CORIN: variants seen among roughly 807,000 people sequenced by gnomAD.
The protein encoded by CORIN is atrial natriuretic peptide-converting enzyme.
CORIN carries 117 observed loss-of-function variants against 125.3 expected under a neutral mutation model. The ratio of observed to expected loss-of-function variants is 0.93; its 90% CI spans 0.80 to 1.09. The LOEUF (loss-of-function observed/expected upper bound fraction) is 1.09, where lower values mean the gene tolerates loss of function less well. CORIN is among the 50% of genes least tolerant of loss of function. The pLI is 0.00. For missense variants in CORIN, 1,253 were observed against 1,306.7 expected, an observed-to-expected ratio of 0.96 and a Z score of 0.63; for synonymous variants, 450 against 466.4, an observed-to-expected ratio of 0.96 and a Z score of 0.45.
intron 6 of CORIN, among the ~76,000 whole-genome samples, chr4:47,690,847 C>T (rs1272804867): frequency 6.6e-6 from 1 of 152,202 alleles, no homozygotes; most frequent in African/African-American, 2.4e-5. Flanking sequence ...ACACCACAAG[C>T]ATTCAACCTT....
intron 5 of CORIN, among the ~76,000 whole-genome samples, chr4:47,725,862 C>T (rs148476365): frequency 6.6e-5 from 10 of 151,916 alleles, no homozygotes; most frequent in Admixed American, 2.0e-4. Flanking sequence ...AAGACTTGTA[C>T]CCAGAATATA....
At chr4:47,726,626 C>T (rs989069170) in intron 5 of CORIN, among the ~76,000 whole-genome samples, 2 of 151,936 alleles carry the variant, frequency 1.3e-5, no homozygotes, top group African/African-American at 4.8e-5. Flanking sequence ...GTGGTGGTTA[C>T]AAATATCTAT....
intron 5 of CORIN, among the ~76,000 whole-genome samples, chr4:47,740,541 T>C (rs1241340592): frequency 6.6e-6 from 1 of 151,986 alleles, no homozygotes; most frequent in Non-Finnish European, 1.5e-5. Context: ...AGTATAGCCA[T>C]TCCAGCTCTT....
intron 3 of CORIN, among the ~76,000 whole-genome samples, chr4:47,765,501 C>T (rs1026028728): frequency 2.0e-5 from 3 of 152,150 alleles, no homozygotes; most frequent in African/African-American, 7.2e-5. Flanking sequence ...GTAACCTGTA[C>T]ATATGCCTGA....
At chr4:47,817,436 T>C (rs986583802) in intron 1 of CORIN, among the ~76,000 whole-genome samples, 5 of 152,110 alleles carry the variant, frequency 3.3e-5, no homozygotes, top group African/African-American at 1.2e-4. Context: ...CTTTAAGCCT[T>C]GGTGGACCCA....
intron 21 of CORIN, among the ~76,000 whole-genome samples, chr4:47,599,766 C>A (rs75558747): frequency 6.6e-6 from 1 of 152,112 alleles, no homozygotes; most frequent in Non-Finnish European, 1.5e-5. Context: ...CTGTCTCACA[C>A]CCTGGAAGTT....
At chr4:47,786,653 A>G (rs1730828163) in intron 3 of CORIN, 72 bp downstream of exon 3, 4 of 1,176,560 alleles carry the variant, frequency 3.4e-6, no homozygotes, top group Non-Finnish European at 5.0e-6. Context: ...AACTAAAAGC[A>G]TTGGTTGCCA....
Position 47,665,019 on chromosome 4 carries a change from C to T in CORIN, c.1589+13G>A. 1 of 1,556,064 alleles carries T rather than the reference C, an allele frequency of 6.4e-7. No homozygotes were observed. The highest frequency in any genetic ancestry group is 8.9e-7 in the Non-Finnish European group (1 of 1,127,740). ...GGCAAAATAAGGGACTGGGGTAGAT[C>T]CCATCATATTACCTGCAAGGAGGGA... On this transcript the variant is annotated intron_variant, in intron 11 of 21. Transcript: ENST00000273857.
chr4:47,642,082 T>TA, intron 15 of CORIN, 33 bp from the exon 16 acceptor site: 1 of 1,602,068 alleles, frequency 6.2e-7, no homozygotes, highest in East Asian at 2.2e-5. Flanking sequence ...AAACCCTAAT[T>TA]AAAAACATTT....
At chr4:47,696,489 T>C (rs1726012658) in intron 5 of CORIN, among the ~76,000 whole-genome samples, 1 of 152,174 alleles carries the variant, frequency 6.6e-6, no homozygotes, top group South Asian at 2.1e-4. Flanking sequence ...AAATAGAGCA[T>C]ATATTCTATT....
chr4:47,781,467 G>A (rs1730541780), intron 3 of CORIN, among the ~76,000 whole-genome samples: 1 of 152,122 alleles, frequency 6.6e-6, no homozygotes, highest in Non-Finnish European at 1.5e-5. Flanking sequence ...TGTATTAGAT[G>A]GTTTGTCCAA....
rs758332789 is a variant in CORIN, at chr4:47,661,797, T to C, written c.1649A>G (p.Gln550Arg). The C allele has an allele frequency of 1.2e-6, 2 of 1,613,744 alleles. No homozygotes were observed. The highest frequency in any genetic ancestry group is 1.7e-6 in the Non-Finnish European group (2 of 1,179,748). The change falls in exon 12 of 22, where the codon CAG (glutamine) becomes CGG (arginine). Residue 550 changes from glutamine (Q) to arginine (R), a missense_variant. Gln to Arg is a conservative substitution (Grantham distance 43). Transcript: ENST00000273857. ...CESVLGIVGL[Q>R]WPEDTDCSQF... ...ACTGCAATCTGTGTCTTCAGGCCAC[T>C]GTAGGCCCACAATCCCAAGAACAGA...
At chr4:47,716,189 T>C (rs1163681382) in intron 5 of CORIN, among the ~76,000 whole-genome samples, 2 of 152,218 alleles carry the variant, frequency 1.3e-5, no homozygotes, top group Non-Finnish European at 2.9e-5. Flanking sequence ...TTGGGTTCAT[T>C]ACATTGTACC....
chr4:47,745,706 T>C (rs1728633720), intron 4 of CORIN, among the ~76,000 whole-genome samples: 1 of 152,192 alleles, frequency 6.6e-6, no homozygotes, highest in Non-Finnish European at 1.5e-5. Flanking sequence ...AACTCCTTGA[T>C]CCAACAAGCA....
At position 47,600,889 on chromosome 4, in the gene CORIN, C is replaced by T. The variant is rs562604388; in HGVS notation, c.2813-542G>A. On this transcript the variant is annotated intron_variant, in intron 20 of 21. Coordinates refer to ENST00000273857, the MANE Select transcript of CORIN (RefSeq NM_006587.4). ...CCTAGAGGATATGACAGAGAGATAT[C>T]GAAAAGCACAAAGCCATCCCTTGGT... Among the ~76,000 whole-genome samples the T allele has an allele frequency of 2.3e-4, 35 of 152,240 alleles. No individual in the cohort carries two copies. In the East Asian group the frequency reaches 6.0e-3, roughly 26 times the overall value.
intron 19 of CORIN, among the ~76,000 whole-genome samples, chr4:47,612,865 G>GAT (rs1219309395): frequency 6.6e-6 from 1 of 152,182 alleles, no homozygotes; most frequent in African/African-American, 2.4e-5. Context: ...CCTCAAATAT[G>GAT]ATAGAAAGCT....
At chr4:47,703,661 C>T (rs955487935) in intron 5 of CORIN, among the ~76,000 whole-genome samples, 2 of 152,160 alleles carry the variant, frequency 1.3e-5, no homozygotes, top group Admixed American at 6.5e-5. Flanking sequence ...CATAAAGTGC[C>T]GAGCACCAAA....
At chr4:47,829,473 T>A in intron 1 of CORIN, among the ~76,000 whole-genome samples, 1 of 152,208 alleles carries the variant, frequency 6.6e-6, no homozygotes. Context: ...TTAAGTGTTG[T>A]CCTGAGTTCT....
At chr4:47,834,053 T>G (rs2109997310) in intron 1 of CORIN, among the ~76,000 whole-genome samples, 1 of 152,230 alleles carries the variant, frequency 6.6e-6, no homozygotes, top group Middle Eastern at 3.4e-3. Context: ...CAGCATACAG[T>G]ATAGAACTAA....
Sources: gnomAD v4.1 joint callset for allele counts (sites outside exome capture counted in the v4.1 genomes callset) on GRCh38, gnomAD v4.1.1 for gene constraint, MANE v1.5 for transcripts, NCBI Gene and HGNC (gene_info 2026-07-23, HGNC 2026-07-21) for gene names.